GRAMD1B: variants seen among roughly 807,000 people sequenced by gnomAD.
The protein encoded by GRAMD1B is GRAM domain containing 1B.
Under a neutral mutation model 99.7 loss-of-function variants are expected in GRAMD1B, and 37 were observed. That is an observed-to-expected ratio of 0.37 (90% CI 0.29 to 0.49). The LOEUF (loss-of-function observed/expected upper bound fraction) is 0.49. Ranked by LOEUF, GRAMD1B falls within the 20% of genes least tolerant of loss-of-function variation. GRAMD1B has a pLI of 0.98. For synonymous variants in GRAMD1B, 427 were observed against 387.6 expected (o/e 1.10, Z -1.19); for missense variants, 888 against 1,009.2 (o/e 0.88, Z 1.63).
chr11:123,604,273 G>A (rs1952400865), intron 9 of GRAMD1B, among the ~76,000 whole-genome samples: 2 of 152,178 alleles, frequency 1.3e-5, no homozygotes, highest in Non-Finnish European at 2.9e-5. Context: ...CAAGTGACTC[G>A]GTGAACCTAA....
At chr11:123,376,233 A>C (rs1053294817) in intron 1 of GRAMD1B, among the ~76,000 whole-genome samples, 2 of 152,210 alleles carry the variant, frequency 1.3e-5, no homozygotes, top group African/African-American at 2.4e-5. Context: ...CTACCTTCTT[A>C]ATATAACTAA....
At chr11:123,586,947 C>G (rs1400651819) in intron 4 of GRAMD1B, among the ~76,000 whole-genome samples, 1 of 152,202 alleles carries the variant, frequency 6.6e-6, no homozygotes, top group African/African-American at 2.4e-5. Context: ...AACGCCCAGC[C>G]CTGGGGATGC....
At chr11:123,375,058 T>C (rs1460128082) in intron 1 of GRAMD1B, among the ~76,000 whole-genome samples, 1 of 152,192 alleles carries the variant, frequency 6.6e-6, no homozygotes, top group Non-Finnish European at 1.5e-5. Flanking sequence ...GCCAAACACT[T>C]TGCTAAGGAT....
chr11:123,508,459 C>T (rs1309376796), intron 2 of GRAMD1B, among the ~76,000 whole-genome samples: 1 of 152,172 alleles, frequency 6.6e-6, no homozygotes, highest in Non-Finnish European at 1.5e-5. Flanking sequence ...TGAGTTTGGA[C>T]ACTCAAACTA....
chr11:123,461,931 G>A (rs1565518477), intron 1 of GRAMD1B, among the ~76,000 whole-genome samples: 1 of 135,858 alleles, frequency 7.4e-6, no homozygotes, highest in African/African-American at 2.7e-5. Flanking sequence ...TCAAGTGCAG[G>A]TTTTTTTTTT....
At chr11:123,465,172 C>G (rs1488786848) in intron 1 of GRAMD1B, among the ~76,000 whole-genome samples, 1 of 152,022 alleles carries the variant, frequency 6.6e-6, no homozygotes, top group Middle Eastern at 3.2e-3. Context: ...GAAAGAGACT[C>G]TGGATGGAAC....
intron 1 of GRAMD1B, chr11:123,460,349 A>C (rs535240924): frequency 1.3e-5 from 2 of 152,210 alleles, no homozygotes; most frequent in Admixed American, 1.3e-4. Context: ...GAATTAAAGT[A>C]CATGAATTAT....
In GRAMD1B at chr11:123,613,412, G is replaced by A. The variant is rs1167228002; in HGVS notation, c.2024-43G>A. ...TGGTTCTGCAGAGAGTTGCATTGGA[G>A]GGCTGAAGGTGGCCTCTCCTGTGGT... is the stretch of plus-strand genomic sequence containing the variant. On this transcript the variant is annotated intron_variant, in intron 15 of 19. Coordinates refer to ENST00000635736, the MANE Select transcript of GRAMD1B (RefSeq NM_001387025.1). 3 of 1,381,638 alleles carry A rather than the reference G, an allele frequency of 2.2e-6. No individual in the cohort carries two copies. In the African/African-American group the frequency reaches 4.3e-5, roughly 20 times the overall value. 85.6% of individuals were successfully genotyped at this position (1,381,638 alleles called of 1,614,324 possible). A position where few individuals can be genotyped will look rare whatever the true frequency, so the allele number is the denominator to read the frequency against.
At position 123,584,304 on chromosome 11, in the gene GRAMD1B, CT is replaced by C; in HGVS notation, c.664-4del. The C allele has an allele frequency of 1.9e-6, 2 of 1,052,998 alleles. No individual in the cohort carries two copies. The highest frequency in any genetic ancestry group is 1.2e-6 in the Non-Finnish European group (1 of 819,080). The allele number at this position is 1,052,998 out of a possible 1,614,324, so 65.2% of individuals were successfully genotyped here. A position where few individuals can be genotyped will look rare whatever the true frequency, so the allele number is the denominator to read the frequency against. On this transcript the variant is annotated splice_region_variant and splice_polypyrimidine_tract_variant and intron_variant, in intron 3 of 19. Coordinates refer to ENST00000635736, the MANE Select transcript of GRAMD1B (RefSeq NM_001387025.1). ...AATTCTACCTTCTCTTTCATTTTCT[CT>C]TTTCAGAAAAGCCAGAGTTGGTATA...
intron 1 of GRAMD1B, among the ~76,000 whole-genome samples, chr11:123,417,775 A>G (rs1260447425): frequency 6.6e-6 from 1 of 152,144 alleles, no homozygotes; most frequent in Non-Finnish European, 1.5e-5. Flanking sequence ...TGTCTGCACG[A>G]AAAATATAAA....
chr11:123,451,088 T>C (rs145317818), intron 1 of GRAMD1B, among the ~76,000 whole-genome samples: 1 of 152,308 alleles, frequency 6.6e-6, no homozygotes, highest in East Asian at 1.9e-4. Context: ...AGAATGGCAC[T>C]CACAAGGACA....
intron 1 of GRAMD1B, among the ~76,000 whole-genome samples, chr11:123,456,575 G>C (rs1565513523): frequency 6.6e-6 from 1 of 151,874 alleles, no homozygotes; most frequent in Non-Finnish European, 1.5e-5. Context: ...CTGAATTTGA[G>C]ACCAGCCTGG....
intron 4 of GRAMD1B, among the ~76,000 whole-genome samples, chr11:123,589,614 TTATA>T (rs71060517): frequency 1.6e-5 from 2 of 128,260 alleles, no homozygotes; most frequent in African/African-American, 3.5e-5. Context: ...TGGCTAATTT[TTATA>T]TATATATATA....
intron 3 of GRAMD1B, among the ~76,000 whole-genome samples, chr11:123,580,457 A>G (rs1949228666): frequency 6.6e-6 from 1 of 152,150 alleles, no homozygotes; most frequent in Admixed American, 6.5e-5. Flanking sequence ...CCACCCCTAG[A>G]GGACACCATG....
At chr11:123,448,362 C>CT in intron 1 of GRAMD1B, among the ~76,000 whole-genome samples, 1 of 151,884 alleles carries the variant, frequency 6.6e-6, no homozygotes, top group East Asian at 1.9e-4. Context: ...AAGCGATTCT[C>CT]GTGTGTGCCA....
intron 2 of GRAMD1B, among the ~76,000 whole-genome samples, chr11:123,522,388 G>A (rs969500120): frequency 5.3e-5 from 8 of 151,894 alleles, no homozygotes; most frequent in African/African-American, 1.7e-4. Flanking sequence ...GCGTGATCTC[G>A]ACTCACTGCA....
chr11:123,405,572 T>G (rs1947827612), intron 1 of GRAMD1B, among the ~76,000 whole-genome samples: 1 of 152,196 alleles, frequency 6.6e-6, no homozygotes, highest in Non-Finnish European at 1.5e-5. Flanking sequence ...TGGCTGGAAA[T>G]GAGAGTTGCT....
chr11:123,614,700 A>C, intron 16 of GRAMD1B, 45 bp from the exon 17 acceptor site: 1 of 1,184,338 alleles, frequency 8.4e-7, no homozygotes, highest in Non-Finnish European at 1.3e-6. Context: ...CAGTTGTTGG[A>C]CTTGTGGGTC....
At chr11:123,362,643 T>G (rs1275331638) in intron 1 of GRAMD1B, among the ~76,000 whole-genome samples, 4 of 152,192 alleles carry the variant, frequency 2.6e-5, no homozygotes, top group African/African-American at 4.8e-5. Context: ...AGTAAACATA[T>G]TAATCTAGAT....
Sources: allele counts gnomAD v4.1 joint callset (sites outside exome capture counted in the v4.1 genomes callset), GRCh38; gene constraint gnomAD v4.1.1; transcripts MANE v1.5; gene names NCBI Gene and HGNC (gene_info 2026-07-23, HGNC 2026-07-21).